PDS5A: variants seen among roughly 807,000 people sequenced by gnomAD.
PDS5A encodes sister chromatid cohesion protein PDS5 homolog A.
A neutral mutation model predicts 167.1 loss-of-function variants in PDS5A; 42 were observed. That is an observed-to-expected ratio of 0.25 (90% CI 0.20 to 0.33). PDS5A has a LOEUF of 0.33. Among genes scored for constraint, PDS5A ranks in the 10% least tolerant of loss-of-function variants. The probability of loss-of-function intolerance (pLI) is 1.00; values close to 1 mark genes in which losing one functional copy is unlikely to be tolerated. For missense variants in PDS5A, 1,033 were observed against 1,605.9 expected (o/e 0.64, Z 6.10); for synonymous variants, 553 against 554.6 (o/e 1.00, Z 0.04).
At chr4:39,973,468 T>C in intron 2 of PDS5A, 1 of 1,350,472 alleles carries the variant, frequency 7.4e-7, no homozygotes. Flanking sequence ...TGTTAATATT[T>C]ACGTGAAAAA....
intron 9 of PDS5A, among the ~76,000 whole-genome samples, chr4:39,911,835 TAAAAA>T (rs35068853): frequency 8.0e-6 from 1 of 125,290 alleles, no homozygotes; most frequent in Non-Finnish European, 1.7e-5. Flanking sequence ...CCGTCTCAAT[TAAAAA>T]AAAAAAAAAA....
At chr4:39,908,651 T>G in intron 10 of PDS5A, 111 bp from the exon 11 acceptor site, 1 of 660,524 alleles carries the variant, frequency 1.5e-6, no homozygotes, top group Non-Finnish European at 2.6e-6. Context: ...AAAGCAATGT[T>G]TGTAAAATAT....
At chr4:39,970,625 G>A (rs2732057) in intron 2 of PDS5A, among the ~76,000 whole-genome samples, 19,174 of 151,426 alleles carry the variant, frequency 0.13, 1,500 homozygotes, top group African/African-American at 0.21. Context: ...TGGCGTTATT[G>A]CCCCTGCCCT....
At chr4:39,936,184 C>T (rs1260938989) in intron 2 of PDS5A, among the ~76,000 whole-genome samples, 2 of 152,038 alleles carry the variant, frequency 1.3e-5, no homozygotes, top group Admixed American at 6.6e-5. Flanking sequence ...GTTGTTATTC[C>T]CCGACAGCAA....
At chr4:39,956,380 C>G (rs746660513) in intron 2 of PDS5A, among the ~76,000 whole-genome samples, 4 of 150,936 alleles carry the variant, frequency 2.7e-5, no homozygotes, top group Non-Finnish European at 4.4e-5. Context: ...GTAGTCCCAG[C>G]TACTTGGGAG....
chr4:39,869,612 C>T (rs1417294646), intron 21 of PDS5A, 150 bp from the exon 22 acceptor site: 4 of 630,788 alleles, frequency 6.3e-6, no homozygotes, highest in Non-Finnish European at 1.1e-5. Flanking sequence ...AGTTAGAAGA[C>T]TCATACTTCC....
At chr4:39,842,937 A>ATATATT (rs1433177642) in intron 30 of PDS5A, among the ~76,000 whole-genome samples, 4 of 139,732 alleles carry the variant, frequency 2.9e-5, no homozygotes, top group African/African-American at 1.1e-4. Flanking sequence ...ATATATATAT[A>ATATATT]TTTTAAGAGA....
At chr4:39,930,073 G>A (rs535212243) in intron 2 of PDS5A, among the ~76,000 whole-genome samples, 17 of 150,854 alleles carry the variant, frequency 1.1e-4, no homozygotes, top group Non-Finnish European at 1.8e-4. Context: ...AAATTAGCCG[G>A]GCACAGTAGC....
At chr4:39,920,252 T>C (rs1281665573) in intron 7 of PDS5A, 67 bp downstream of exon 7, 1 of 681,282 alleles carries the variant, frequency 1.5e-6, no homozygotes, top group Non-Finnish European at 2.5e-6. Flanking sequence ...TGTAAGAGGT[T>C]CTAATAAATT....
intron 32 of PDS5A, among the ~76,000 whole-genome samples, chr4:39,830,521 G>A (rs1489578370): frequency 2.0e-5 from 3 of 152,104 alleles, no homozygotes; most frequent in Admixed American, 2.0e-4. Context: ...AACCTCCCAG[G>A]TTTAAGCAAT....
chr4:39,847,263 A>C (rs983855095), intron 28 of PDS5A: 1 of 152,124 alleles, frequency 6.6e-6, no homozygotes, highest in African/African-American at 2.4e-5. Flanking sequence ...TATTCTATTC[A>C]TGATGGTCCT....
chr4:39,842,104 G>A (rs754830715), intron 30 of PDS5A, 48 bp from the exon 31 acceptor site: 1 of 1,193,138 alleles, frequency 8.4e-7, no homozygotes, highest in East Asian at 2.3e-5. Context: ...TGAAGAGAAA[G>A]TTCACTCTCT....
intron 2 of PDS5A, among the ~76,000 whole-genome samples, chr4:39,960,360 T>C (rs1157219580): frequency 6.6e-6 from 1 of 152,066 alleles, no homozygotes; most frequent in Non-Finnish European, 1.5e-5. Context: ...ACAAAAACAA[T>C]GATATGTGTA....
chr4:39,899,925 G>C (rs539509225), intron 14 of PDS5A, among the ~76,000 whole-genome samples: 8 of 148,252 alleles, frequency 5.4e-5, no homozygotes, highest in African/African-American at 2.0e-4. Flanking sequence ...TGAGGGGTCT[G>C]TTTATATGGT....
chr4:39,892,316 T>C (rs927101758), intron 16 of PDS5A, among the ~76,000 whole-genome samples: 2 of 152,156 alleles, frequency 1.3e-5, no homozygotes, highest in Non-Finnish European at 2.9e-5. Context: ...CTCCAAGTGA[T>C]GTAATTGTGC....
chr4:39,933,527 T>A (rs907657230), intron 2 of PDS5A: 1 of 152,146 alleles, frequency 6.6e-6, no homozygotes, highest in African/African-American at 2.4e-5. Flanking sequence ...GAATTCCCAA[T>A]TGCACTTGAT....
intron 26 of PDS5A, among the ~76,000 whole-genome samples, chr4:39,850,917 G>A (rs1368092514): frequency 6.6e-6 from 1 of 152,194 alleles, no homozygotes; most frequent in East Asian, 1.9e-4. Context: ...CTGCATTCCT[G>A]CATCAACAGG....
In PDS5A at chr4:39,863,395, G is replaced by T. The variant is rs763421396; in HGVS notation, c.2707C>A (p.Pro903Thr). 1.2e-6 allele frequency: 2 copies of T among 1,609,638 alleles called. No individual in the cohort carries two copies. The highest frequency in any genetic ancestry group is 1.7e-6 in the Non-Finnish European group (2 of 1,176,474). Reference protein sequence around the residue: ...GSAIMKLAQEPCYHEIITPEQ... With the variant: ...GSAIMKLAQETCYHEIITPEQ... ...GGGGTAATAATTTCATGGTAACAAG[G>T]TTCCTGAGCAAGCTTCATTATGGCA... The change falls in exon 24 of 33, where the codon CCT becomes ACT. Residue 903 changes from proline to threonine, a missense_variant. Around this residue, in one of 4 missense-constraint regions of PDS5A, gnomAD observed 367 missense variants for 686.7 expected, o/e 0.53. Transcript: ENST00000303538.
intron 4 of PDS5A, 43 bp downstream of exon 4, chr4:39,926,732 T>C (rs1164174733): frequency 7.4e-6 from 9 of 1,213,738 alleles, no homozygotes; most frequent in Non-Finnish European, 9.9e-6. Context: ...TTTGCTATCA[T>C]GTGAAATAAT....
Sources: allele counts gnomAD v4.1 joint callset (sites outside exome capture counted in the v4.1 genomes callset), GRCh38; gene constraint gnomAD v4.1.1; regional missense constraint gnomAD v4.1.1; transcripts MANE v1.5; gene names NCBI Gene and HGNC (gene_info 2026-07-23, HGNC 2026-07-21).